ZP3: variants seen among roughly 807,000 people sequenced by gnomAD.
The protein encoded by ZP3 is zona pellucida sperm-binding protein 3.
Under a neutral mutation model 35.6 loss-of-function variants are expected in ZP3, and 21 were observed. The ratio of observed to expected loss-of-function variants is 0.59; its 90% CI spans 0.42 to 0.85. The LOEUF (loss-of-function observed/expected upper bound fraction) is 0.85. Among genes scored for constraint, ZP3 ranks in the 40% least tolerant of loss-of-function variants. The pLI is 0.00. For synonymous variants in ZP3, 207 were observed against 214.5 expected, an observed-to-expected ratio of 0.96 and a Z score of 0.31; for missense variants, 437 against 536.5, an observed-to-expected ratio of 0.81 and a Z score of 1.83.
At chr7:76,438,538 G>GAA (rs71085417) in intron 5 of ZP3, among the ~76,000 whole-genome samples, 66 of 88,558 alleles carry the variant, frequency 7.5e-4, no homozygotes, top group Admixed American at 2.1e-3. Context: ...CTCCGTCTCA[G>GAA]AAAAAAAAAA....
chr7:76,432,201 T>C lies in ZP3; in HGVS notation c.432-726T>C, dbSNP rs143812132. Among the ~76,000 whole-genome samples the C allele has an allele frequency of 5.8e-3, 885 of 151,626 alleles. 9 individuals carry two copies. The highest frequency in any genetic ancestry group is 0.039 in the East Asian group (201 of 5,150). On this transcript the variant is annotated intron_variant, in intron 2 of 7. Coordinates refer to ENST00000394857, the MANE Select transcript of ZP3 (RefSeq NM_001110354.2). The stretch of plus-strand genomic sequence containing the variant: ...GCTATCTTTTCTTTTCTTTTCTTTT[T>C]TTTTTGAGATGGAGTCTTGCTCTGT...
At chr7:76,405,426 C>T (rs2115809617) in intron 1 of ZP3, among the ~76,000 whole-genome samples, 1 of 140,918 alleles carries the variant, frequency 7.1e-6, no homozygotes, top group East Asian at 2.1e-4. Flanking sequence ...AAGGGATCCG[C>T]CCACCTTGGC....
At chr7:76,401,789 GCTCT>G (rs1804838355) in intron 1 of ZP3, among the ~76,000 whole-genome samples, 1 of 152,140 alleles carries the variant, frequency 6.6e-6, no homozygotes, top group Admixed American at 6.6e-5. Flanking sequence ...AGCTAGAAGT[GCTCT>G]CTGTTTCCTC....
chr7:76,418,316 T>C (rs990876915), intron 1 of ZP3, among the ~76,000 whole-genome samples: 3 of 151,962 alleles, frequency 2.0e-5, no homozygotes, highest in Non-Finnish European at 1.5e-5. Context: ...TTTGGGTGGC[T>C]GAGGCAGGCA....
chr7:76,424,780 A>C (rs1805598308), upstream of ZP3: 3 of 567,976 alleles, frequency 5.3e-6, no homozygotes, highest in South Asian at 8.0e-5. Context: ...GAAGGCTGAG[A>C]GTTTGCAGTT....
At position 76,401,284 on chromosome 7, in the gene ZP3, T is replaced by C. The variant is rs564050831; in HGVS notation, c.-67+3487T>C. Among the ~76,000 whole-genome samples, 3 of 152,270 alleles carry C rather than the reference T, an allele frequency of 2.0e-5. No individual in the cohort carries two copies. In the East Asian group the frequency reaches 5.8e-4, roughly 29 times the overall value. On this transcript the variant is annotated intron_variant, in intron 1 of 8. Transcript: ENST00000336517. ...AGAGAGATCTGCGGGTGTAAATCTG[T>C]AGATCTGCACATCTCAAACTAATGC... is the stretch of plus-strand genomic sequence containing the variant.
At chr7:76,401,003 C>T (rs998107585) in intron 1 of ZP3, 7 of 1,550,534 alleles carry the variant, frequency 4.5e-6, no homozygotes, top group African/African-American at 2.7e-5. Context: ...GGGTGGGGCA[C>T]CTACCTTGAA....
chr7:76,438,538 G>GAAGAA (rs1806096737), intron 5 of ZP3, among the ~76,000 whole-genome samples: 3 of 88,560 alleles, frequency 3.4e-5, no homozygotes, highest in Non-Finnish European at 6.1e-5. Context: ...CTCCGTCTCA[G>GAAGAA]AAAAAAAAAA....
intron 6 of ZP3, 46 bp downstream of exon 6, chr7:76,440,387 C>T (rs373806615): frequency 1.1e-4 from 181 of 1,611,584 alleles, no homozygotes; most frequent in African/African-American, 3.9e-4. Flanking sequence ...ACTGAATCGG[C>T]GACCCCTTGT....
At chr7:76,427,515 C>CA (rs71085411) in intron 1 of ZP3, among the ~76,000 whole-genome samples, 26,349 of 104,604 alleles carry the variant, frequency 0.25, 3,311 homozygotes, top group Middle Eastern at 0.33. Flanking sequence ...GACTCCGTCT[C>CA]AAAAAAAAAA....
At chr7:76,427,866 G>C (rs1343660269) in intron 1 of ZP3, among the ~76,000 whole-genome samples, 3 of 152,256 alleles carry the variant, frequency 2.0e-5, no homozygotes, top group Admixed American at 1.3e-4. Context: ...TTTTTGTAGA[G>C]ATGGGGTCTA....
intron 5 of ZP3, among the ~76,000 whole-genome samples, chr7:76,436,965 G>A (rs1179205445): frequency 6.6e-6 from 1 of 151,680 alleles, no homozygotes; most frequent in African/African-American, 2.4e-5. Context: ...TCAAAGGTAG[G>A]ATTGATGATG....
At chr7:76,435,556 C>T (rs1189709883) in intron 5 of ZP3, among the ~76,000 whole-genome samples, 4 of 152,238 alleles carry the variant, frequency 2.6e-5, no homozygotes, top group African/African-American at 7.2e-5. Context: ...AGTGCTGGCT[C>T]TATACTAATC....
rs145049890 is a variant in ZP3, at chr7:76,433,640, T to C, written c.706T>C (p.Phe236Leu). The stretch of plus-strand genomic sequence containing the variant: ...CTCCCCTTATCACACCATCGTGGAC[T>C]TCCATGGGTGAGCACTGGGCTCCCT... Reference protein sequence around the residue: ...NASPYHTIVDFHGCLVDGLTD... With the variant: ...NASPYHTIVDLHGCLVDGLTD... Residue 236 changes from phenylalanine to leucine, a missense_variant, in exon 4 of 8, where the codon TTC becomes CTC. Coordinates refer to ENST00000394857, the MANE Select transcript of ZP3 (RefSeq NM_001110354.2). The C allele has an allele frequency of 2.5e-5, 40 of 1,604,990 alleles. No homozygotes were observed. The African/African-American group carries it at 4.1e-4, about 17-fold the overall frequency.
intron 7 of ZP3, among the ~76,000 whole-genome samples, 168 bp from the exon 8 acceptor site, chr7:76,441,674 C>A (rs1172282905): frequency 6.6e-6 from 1 of 152,194 alleles, no homozygotes; most frequent in East Asian, 1.9e-4. Context: ...AGGCATTAGC[C>A]ATCACACCTG....
intron 1 of ZP3, among the ~76,000 whole-genome samples, chr7:76,426,686 G>T (rs1805662607): frequency 1.3e-5 from 2 of 152,024 alleles, no homozygotes; most frequent in South Asian, 2.1e-4. Flanking sequence ...TAGGTTAGAA[G>T]CTGATAAGTG....
rs1584055595 is a variant in ZP3, at chr7:76,425,068, C to T, written c.104C>T (p.Pro35Leu). ...LWLLQGGASH[P>L]ETSVQPVLVE... Reference sequence around the variant, plus strand: ...CTCTTGCAGGGTGGAGCCAGCCATCCTGAGACGTCCGTACAGCCCGTACTG... The same window carrying T: ...CTCTTGCAGGGTGGAGCCAGCCATCTTGAGACGTCCGTACAGCCCGTACTG... Residue 35 changes from proline (P) to leucine (L), a missense_variant, in exon 1 of 8, where the codon CCT (proline) becomes CTT (leucine). Physicochemically the swap from Pro to Leu is moderately conservative, Grantham distance 98. Coordinates refer to ENST00000394857, the MANE Select transcript of ZP3 (RefSeq NM_001110354.2). 2 of 1,612,980 alleles carry T rather than the reference C, an allele frequency of 1.2e-6. No individual in the cohort carries two copies. Among genetic ancestry groups the T allele is most frequent in the East Asian group, 2.2e-5 (1 of 44,864 alleles).
intron 1 of ZP3, among the ~76,000 whole-genome samples, chr7:76,404,103 C>T (rs1417247275): frequency 5.9e-5 from 9 of 152,122 alleles, no homozygotes; most frequent in Non-Finnish European, 1.0e-4. Context: ...TCCATGGGTG[C>T]GTTTACCTGT....
chr7:76,403,852 C>T lies in ZP3; in HGVS notation c.-67+6055C>T, dbSNP rs983705195. On this transcript the variant is annotated intron_variant, in intron 1 of 8. Coordinates refer to the ZP3 transcript ENST00000336517. Reference sequence around the variant, plus strand: ...AATTTTTGTATTTTTAGTAGGGACGCGGGTTTCACCATGTTGGCCAGGCTG... The same window carrying T: ...AATTTTTGTATTTTTAGTAGGGACGTGGGTTTCACCATGTTGGCCAGGCTG... 4.1e-5 allele frequency among the ~76,000 whole-genome samples: 6 copies of T among 147,314 alleles called. 1 individual carries two copies. The highest frequency in any genetic ancestry group is 4.4e-4 in the South Asian group (2 of 4,562).
Sources: allele counts gnomAD v4.1 joint callset (sites outside exome capture counted in the v4.1 genomes callset), GRCh38; gene constraint gnomAD v4.1.1; transcripts MANE v1.5; gene names NCBI Gene and HGNC (gene_info 2026-07-23, HGNC 2026-07-21).